Variants in POLK observed in about 807,000 individuals in gnomAD.
POLK encodes the protein DNA polymerase kappa.
In POLK, 76 loss-of-function variants were observed where a neutral mutation model predicts 94.0. That is an observed-to-expected ratio of 0.81 (90% CI 0.67 to 0.98). The LOEUF (loss-of-function observed/expected upper bound fraction) is 0.98, where lower values mean the gene tolerates loss of function less well. POLK is among the 50% of genes least tolerant of loss of function. The pLI is 0.00. For missense variants in POLK, 954 were observed against 1,010.1 expected (o/e 0.94, Z 0.75); for synonymous variants, 349 against 325.4 (o/e 1.07, Z -0.78).
At chr5:75,549,315 T>G (rs915246025) in intron 2 of POLK, among the ~76,000 whole-genome samples, 1 of 152,158 alleles carries the variant, frequency 6.6e-6, no homozygotes, top group South Asian at 2.1e-4. Flanking sequence ...TAGTCCATTC[T>G]TTTCCTACTG....
At chr5:75,596,430 C>T (rs75174253) in exon 13 of POLK, 4 of 1,613,470 alleles carry the variant, frequency 2.5e-6, no homozygotes, top group African/African-American at 1.3e-5. Context: ...AATGGAGTCA[C>T]CAAGATACAT....
At chr5:75,599,931 T>G (rs1773259596) in exon 15 of POLK, 1 of 152,176 alleles carries the variant, frequency 6.6e-6, no homozygotes, top group Admixed American at 6.5e-5. Flanking sequence ...GTCTATTATA[T>G]CCAACCCATT....
chr5:75,512,586 A>AT (rs1226763834), intron 1 of POLK: 1 of 152,196 alleles, frequency 6.6e-6, no homozygotes, highest in Non-Finnish European at 1.5e-5. Context: ...ATAGGAGGCT[A>AT]TTTTTGTTTT....
exon 14 of POLK, chr5:75,597,749 A>T: frequency 6.7e-7 from 1 of 1,486,074 alleles, no homozygotes; most frequent in Non-Finnish European, 9.0e-7. Context: ...CTCTAAAGGT[A>T]GCTCAAGTGG....
chr5:75,581,432 ACT>A lies in POLK; in HGVS notation c.919_920del (p.Leu307AspfsTer18). The A allele has an allele frequency of 6.2e-7, 1 of 1,613,592 alleles. No homozygotes were observed. Among genetic ancestry groups the A allele is most frequent in the Non-Finnish European group, 8.5e-7 (1 of 1,179,530 alleles). On this transcript the variant is annotated frameshift_variant, in exon 7 of 15. Transcript: ENST00000241436. LOFTEE classifies it high-confidence loss of function. ...GTTTCAGAATTGAGCAGAAAACAAC[ACT>A]GACAGCCAGTGCAGGTATTTAAAAG...
chr5:75,597,739 C>T lies in POLK; in HGVS notation c.2486-8C>T, dbSNP rs1258192339. 1 of 1,451,984 alleles carries T rather than the reference C, an allele frequency of 6.9e-7. No individual in the cohort carries two copies. The highest frequency in any genetic ancestry group is 9.2e-7 in the Non-Finnish European group (1 of 1,085,006). The allele number at this position is 1,451,984 out of a possible 1,614,324, so 89.9% of individuals were successfully genotyped here. A position where few individuals can be genotyped will look rare whatever the true frequency, so the allele number is the denominator to read the frequency against. On this transcript the variant is annotated splice_region_variant and splice_polypyrimidine_tract_variant and intron_variant, in intron 13 of 14. Coordinates refer to ENST00000241436, the Ensembl canonical transcript of POLK. ...TTATGGAATTTCTTGACTTTCTTTC[C>T]TCTAAAGGTAGCTCAAGTGGAGTAC...
chr5:75,565,470 T>A (rs549209955), intron 3 of POLK, among the ~76,000 whole-genome samples: 5 of 152,310 alleles, frequency 3.3e-5, no homozygotes, highest in Admixed American at 2.6e-4. Context: ...TGTTCTGTTA[T>A]TTGGAATTTT....
At position 75,579,923 on chromosome 5, in the gene POLK, C is replaced by CTGTAGTCCTAGCTA. The variant is rs1386564375; in HGVS notation, c.695-1284_695-1271dup. Among the ~76,000 whole-genome samples the CTGTAGTCCTAGCTA allele has an allele frequency of 3.7e-4, 56 of 149,710 alleles. No homozygotes were observed. The East Asian group carries it at 0.011, about 28-fold the overall frequency. On this transcript the variant is annotated intron_variant, in intron 6 of 14. Transcript: ENST00000241436. The stretch of plus-strand genomic sequence containing the variant: ...ATTAGCTAAGCGTGATGGCTCGCGC[C>CTGTAGTCCTAGCTA]TGTAGTCCTAGCTATACTCCAGCCT...
upstream of POLK, chr5:75,511,353 G>A (rs778543751): frequency 1.3e-6 from 2 of 1,541,914 alleles, no homozygotes; most frequent in South Asian, 1.2e-5. Context: ...GAGGGACGAA[G>A]TCCGCCCGCC....
chr5:75,519,347 G>C (rs1178694434), intron 1 of POLK, among the ~76,000 whole-genome samples: 1 of 152,164 alleles, frequency 6.6e-6, no homozygotes, highest in East Asian at 1.9e-4. Context: ...CTGATGAAAA[G>C]ATTGTCTGTT....
rs181724459 is a variant in POLK at position 75,546,710 on chromosome 5, G to A, written c.-13-300G>A. On this transcript the variant is annotated intron_variant, in intron 1 of 14. Transcript: ENST00000241436. Reference sequence around the variant, plus strand: ...AGACAAAGTCTCGCTCTGTCCCCCAGGCTGGAGTGCGGTAGCGCAATCTCG... The same window carrying A: ...AGACAAAGTCTCGCTCTGTCCCCCAAGCTGGAGTGCGGTAGCGCAATCTCG... Among the ~76,000 whole-genome samples the A allele has an allele frequency of 6.8e-4, 98 of 143,746 alleles. 2 individuals are homozygous for A. The highest frequency in any genetic ancestry group is 2.4e-3 in the African/African-American group (93 of 38,312). The allele number at this position is 143,746 out of a possible 152,430, so 94.3% of individuals were successfully genotyped here. A position where few individuals can be genotyped will look rare whatever the true frequency, so the allele number is the denominator to read the frequency against.
intron 13 of POLK, 61 bp downstream of exon 13, chr5:75,597,239 T>C (rs1773141354): frequency 1.2e-6 from 1 of 858,936 alleles, no homozygotes; most frequent in Non-Finnish European, 1.9e-6. Flanking sequence ...TTAAAATTAA[T>C]GAGATTGTTG....
At chr5:75,595,127 C>G (rs1772996920) in intron 12 of POLK, among the ~76,000 whole-genome samples, 2 of 151,850 alleles carry the variant, frequency 1.3e-5, no homozygotes, top group South Asian at 4.2e-4. Flanking sequence ...TGGCGGGCAC[C>G]TGTAATCCCA....
At chr5:75,516,173 T>G (rs1768313295) in intron 1 of POLK, among the ~76,000 whole-genome samples, 2 of 152,246 alleles carry the variant, frequency 1.3e-5, no homozygotes, top group African/African-American at 4.8e-5. Context: ...GTTCTGTGGG[T>G]TGTCCCTTCA....
chr5:75,567,550 T>C (rs1392630351), intron 3 of POLK, among the ~76,000 whole-genome samples: 1 of 152,252 alleles, frequency 6.6e-6, no homozygotes, highest in Non-Finnish European at 1.5e-5. Flanking sequence ...CCAACTTTAA[T>C]ATACTGCTAT....
chr5:75,527,203 T>C (rs1768903248), intron 1 of POLK, among the ~76,000 whole-genome samples: 1 of 152,074 alleles, frequency 6.6e-6, no homozygotes, highest in Admixed American at 6.5e-5. Flanking sequence ...TTTTTTATTC[T>C]AGTTGTTGGA....
At chr5:75,559,511 TTGTTTTGTTTTG>T (rs1255658279) in intron 3 of POLK, among the ~76,000 whole-genome samples, 13 of 141,666 alleles carry the variant, frequency 9.2e-5, no homozygotes, top group Admixed American at 2.1e-4. Context: ...GTTTGTTTTT[TTGTTTTGTTTTG>T]TTTTTTTTTT....
chr5:75,538,373 T>G (rs1769560095), intron 1 of POLK, among the ~76,000 whole-genome samples: 2 of 152,238 alleles, frequency 1.3e-5, no homozygotes, highest in Non-Finnish European at 2.9e-5. Flanking sequence ...TAAGCTAACT[T>G]AAACCACATA....
intron 1 of POLK, among the ~76,000 whole-genome samples, chr5:75,513,430 A>G (rs1312069612): frequency 2.6e-5 from 4 of 152,144 alleles, no homozygotes; most frequent in Non-Finnish European, 5.9e-5. Context: ...GTAGATGGGG[A>G]TACTCATTGA....
Sources: allele counts gnomAD v4.1 joint callset (sites outside exome capture counted in the v4.1 genomes callset), GRCh38; gene constraint gnomAD v4.1.1; transcripts MANE v1.5; gene names NCBI Gene and HGNC (gene_info 2026-07-23, HGNC 2026-07-21).